The following GLS variants were observed in gnomAD, a reference collection of about 807,000 sequenced individuals.
The protein encoded by GLS is glutaminase kidney isoform, mitochondrial.
In GLS, 36 loss-of-function variants were observed where a neutral mutation model predicts 86.7. That is an observed-to-expected ratio of 0.42 (90% CI 0.32 to 0.55). The LOEUF (loss-of-function observed/expected upper bound fraction) is 0.55, where lower values mean the gene tolerates loss of function less well. Among genes scored for constraint, GLS ranks in the 20% least tolerant of loss-of-function variants. GLS has a pLI of 0.17. For missense variants in GLS, 528 were observed against 833.4 expected (o/e 0.63, Z 4.51); for synonymous variants, 317 against 305.9 (o/e 1.04, Z -0.38).
At chr2:190,893,772 A>T (rs542783074) in intron 1 of GLS, among the ~76,000 whole-genome samples, 1 of 151,916 alleles carries the variant, frequency 6.6e-6, no homozygotes, top group Non-Finnish European at 1.5e-5. Flanking sequence ...TTTAGTAGAG[A>T]TGGGGTTTCA....
chr2:190,894,658 T>A (rs1451744625), intron 1 of GLS, among the ~76,000 whole-genome samples: 1 of 152,202 alleles, frequency 6.6e-6, no homozygotes, highest in Non-Finnish European at 1.5e-5. Context: ...TTCAAGAACT[T>A]GTGCACTTGA....
chr2:190,894,396 A>G (rs1285572481), intron 1 of GLS, among the ~76,000 whole-genome samples: 1 of 151,996 alleles, frequency 6.6e-6, no homozygotes. Context: ...GGTTGAATCT[A>G]TGGATGCAAA....
In GLS at chr2:190,949,993, C is replaced by CT. The variant is rs1690677194; in HGVS notation, c.1651-3572_1651-3571insT. Among the ~76,000 whole-genome samples the CT allele has an allele frequency of 6.8e-6, 1 of 148,044 alleles. No homozygotes were observed. The highest frequency in any genetic ancestry group is 2.5e-5 in the African/African-American group (1 of 39,740). The stretch of plus-strand genomic sequence containing the variant: ...GTTAAAAAGGATATAGTTAACAATA[C>CT]AATATATATATATATATGAAGGGGA... On this transcript the variant is annotated intron_variant, in intron 14 of 17. Transcript: ENST00000320717. The surrounding 1 kb of genome is among the most constrained non-coding windows in gnomAD (Gnocchi z 4.0).
At chr2:190,934,168 G>C (rs1404105103) in intron 14 of GLS, 1 of 982,864 alleles carries the variant, frequency 1.0e-6, no homozygotes, top group Admixed American at 6.2e-5. Flanking sequence ...AGAAAAACTT[G>C]GTGGTTTCTT....
intron 14 of GLS, among the ~76,000 whole-genome samples, chr2:190,942,571 G>A (rs1227057242): frequency 2.0e-5 from 3 of 152,140 alleles, no homozygotes; most frequent in Admixed American, 2.0e-4. Flanking sequence ...CTTGGTGATC[G>A]TTTTTGGTGG....
intron 1 of GLS, among the ~76,000 whole-genome samples, chr2:190,888,940 C>T (rs560328548): frequency 4.6e-5 from 7 of 152,190 alleles, no homozygotes; most frequent in African/African-American, 1.7e-4. Flanking sequence ...TTTTAAGTTC[C>T]CTAGTTCAGT....
intron 13 of GLS, 46 bp from the exon 14 acceptor site, chr2:190,931,499 A>G: frequency 1.2e-6 from 1 of 829,646 alleles, no homozygotes; most frequent in Non-Finnish European, 2.0e-6. Flanking sequence ...ATATATAACC[A>G]ATGAATAGCC....
rs1319600089 is a variant in GLS, at chr2:190,930,074, T to C, written c.1426-363T>C. On this transcript the variant is annotated intron_variant, in intron 12 of 17. Transcript: ENST00000320717. The surrounding 1 kb of genome is among the most constrained non-coding windows in gnomAD (Gnocchi z 5.0). ...TTAAACCAATTTCCCAATTGTGTTT[T>C]TTTTTTTTTTGAAACTGGATCTTGC... Among the ~76,000 whole-genome samples the C allele has an allele frequency of 6.6e-6, 1 of 151,986 alleles. No homozygotes were observed. The highest frequency in any genetic ancestry group is 1.5e-5 in the Non-Finnish European group (1 of 67,970).
At chr2:190,948,338 T>G (rs1690630367) in intron 14 of GLS, among the ~76,000 whole-genome samples, 1 of 152,080 alleles carries the variant, frequency 6.6e-6, no homozygotes, top group African/African-American at 2.4e-5. Flanking sequence ...GTTTCCTGAT[T>G]TTTTTTTCTC....
intron 6 of GLS, among the ~76,000 whole-genome samples, chr2:190,906,252 A>G (rs1038512129): frequency 2.6e-5 from 4 of 152,294 alleles, no homozygotes; most frequent in African/African-American, 9.6e-5. Flanking sequence ...AATACCAAAT[A>G]TTTTAAAAGA....
At chr2:190,902,490 A>G (rs549350237) in intron 5 of GLS, among the ~76,000 whole-genome samples, 1 of 152,316 alleles carries the variant, frequency 6.6e-6, no homozygotes, top group South Asian at 2.1e-4. Context: ...GTTGCAAAAC[A>G]TGTAGGATTT....
chr2:190,883,302 CATTTTGCCTTTATGTGACAA>C (rs1325814598), intron 1 of GLS, among the ~76,000 whole-genome samples: 2 of 152,298 alleles, frequency 1.3e-5, no homozygotes, highest in Non-Finnish European at 2.9e-5. Context: ...TGGCTCCTTT[CATTTTGCCTTTATGTGACAA>C]ACATTTCTCT....
chr2:190,908,818 G>C (rs1689251237), intron 6 of GLS, among the ~76,000 whole-genome samples: 2 of 152,204 alleles, frequency 1.3e-5, no homozygotes, highest in South Asian at 4.1e-4. Context: ...TGAAAATTGG[G>C]CTGTCATGCC....
Position 190,935,144 on chromosome 2 carries a change from G to T in GLS, c.1650+3507G>T, listed in dbSNP as rs1192035107. The T allele has an allele frequency of 1.1e-6, 1 of 930,914 alleles. No individual in the cohort carries two copies. Among genetic ancestry groups the T allele is most frequent in the Non-Finnish European group, 1.3e-6 (1 of 780,792 alleles). 57.7% of individuals were successfully genotyped at this position (930,914 alleles called of 1,614,324 possible). A position where few individuals can be genotyped will look rare whatever the true frequency, so the allele number is the denominator to read the frequency against. ...TTGTTCTTGAAGTACTTTGTTTTTA[G>T]CATAAATGTTGTGCATTTTATCTTA... On this transcript the variant is annotated intron_variant, in intron 14 of 17. Transcript: ENST00000320717. The surrounding 1 kb of genome is among the most constrained non-coding windows in gnomAD (Gnocchi z 4.2).
intron 3 of GLS, among the ~76,000 whole-genome samples, chr2:190,898,686 C>T (rs1257754103): frequency 6.6e-6 from 1 of 152,152 alleles, no homozygotes; most frequent in Non-Finnish European, 1.5e-5. Flanking sequence ...GGCTGGAGTG[C>T]AATGGCGCGA....
At position 190,924,052 on chromosome 2, in the gene GLS, A is replaced by T; in HGVS notation, c.1197+69A>T. ...ATAAAATACATGAAGATGTATGCTA[A>T]GAATTCAACAATAGCCTTTAAGCAA... On this transcript the variant is annotated intron_variant, in intron 10 of 17. Transcript: ENST00000320717. The surrounding 1 kb of genome is among the most constrained non-coding windows in gnomAD (Gnocchi z 5.2). 1.2e-6 allele frequency: 1 copy of T among 831,796 alleles called. No individual in the cohort carries two copies. Among genetic ancestry groups the T allele is most frequent in the Non-Finnish European group, 2.0e-6 (1 of 502,112 alleles). The allele number at this position is 831,796 out of a possible 1,614,324, so 51.5% of individuals were successfully genotyped here.
chr2:190,929,162 AT>A (rs980007056), intron 12 of GLS, among the ~76,000 whole-genome samples: 94 of 145,818 alleles, frequency 6.4e-4, no homozygotes, highest in South Asian at 2.0e-3. Context: ...AATGACATTA[AT>A]TTTTTTTTTT....
chr2:190,917,711 CATT>C (rs1689584606), intron 7 of GLS, among the ~76,000 whole-genome samples: 1 of 152,154 alleles, frequency 6.6e-6, no homozygotes. Flanking sequence ...ATGAAAACAA[CATT>C]ATGCTCCTTG....
At position 190,953,532 on chromosome 2, in the gene GLS, C is replaced by A. The variant is rs764040901; in HGVS notation, c.1651-33C>A. The A allele has an allele frequency of 2.7e-6, 4 of 1,474,388 alleles. No individual in the cohort carries two copies. The Admixed American group carries it at 6.7e-5, about 25-fold the overall frequency. 91.3% of individuals were successfully genotyped at this position (1,474,388 alleles called of 1,614,324 possible). ...TGGACGTTGTATGTGTTTTCTCTCT[C>A]CTAAGGATGCCTAAACTTTCTTTTC... On this transcript the variant is annotated intron_variant, in intron 14 of 17. Transcript: ENST00000320717. The surrounding 1 kb of genome is among the most constrained non-coding windows in gnomAD (Gnocchi z 4.0).
Sources: gnomAD v4.1 joint callset for allele counts (sites outside exome capture counted in the v4.1 genomes callset) on GRCh38, gnomAD v4.1.1 for gene constraint, Gnocchi (gnomAD v3.1) non-coding constraint, MANE v1.5 for transcripts, NCBI Gene and HGNC (gene_info 2026-07-23, HGNC 2026-07-21) for gene names.